DENR: variants seen among roughly 807,000 people sequenced by gnomAD.
DENR encodes density-regulated protein.
Under a neutral mutation model 30.6 loss-of-function variants are expected in DENR, and 6 were observed. The ratio of observed to expected loss-of-function variants is 0.20; its 90% confidence interval spans 0.11 to 0.39. The LOEUF (loss-of-function observed/expected upper bound fraction) is 0.39, where lower values mean the gene tolerates loss of function less well. Among genes scored for constraint, DENR ranks in the 10% least tolerant of loss-of-function variants. DENR has a pLI of 1.00. For synonymous variants in DENR, 78 were observed against 72.1 expected, an observed-to-expected ratio of 1.08 and a Z score of -0.41; for missense variants, 141 against 230.9, an observed-to-expected ratio of 0.61 and a Z score of 2.52.
intron 5 of DENR, 96 bp downstream of exon 5, chr12:122,765,483 G>T: frequency 9.1e-7 from 1 of 1,102,618 alleles, no homozygotes; most frequent in South Asian, 1.5e-5. Context: ...TAGGCACAAT[G>T]GTGGGCGCCT....
chr12:122,769,205 C>T lies in DENR; in HGVS notation c.*127C>T. Reference sequence around the variant, plus strand: ...ATATATACACATATATGTATGTATACACATATACACATGTATATATACATG... The same window carrying T: ...ATATATACACATATATGTATGTATATACATATACACATGTATATATACATG... On this transcript the variant is annotated 3_prime_UTR_variant, in exon 8 of 8. Transcript: ENST00000280557. The T allele has an allele frequency of 1.2e-6, 1 of 864,904 alleles. No homozygotes were observed. Among genetic ancestry groups the T allele is most frequent in the Non-Finnish European group, 1.5e-6 (1 of 661,098 alleles). The allele number at this position is 864,904 out of a possible 1,614,324, so 53.6% of individuals were successfully genotyped here. A position where few individuals can be genotyped will look rare whatever the true frequency, so the allele number is the denominator to read the frequency against.
At chr12:122,754,074 G>A (rs1878485193) in intron 2 of DENR, 3 of 463,942 alleles carry the variant, frequency 6.5e-6, no homozygotes, top group African/African-American at 2.0e-5. Context: ...GGTCCTCAAG[G>A]TGTATGCTAG....
intron 2 of DENR, among the ~76,000 whole-genome samples, chr12:122,756,441 C>T (rs1192022876): frequency 6.6e-6 from 1 of 151,682 alleles, no homozygotes. Context: ...AAAACTCCAT[C>T]CCAGAAAAAA....
At chr12:122,762,294 A>G in intron 3 of DENR, 88 bp downstream of exon 3, 1 of 902,176 alleles carries the variant, frequency 1.1e-6, no homozygotes, top group East Asian at 2.8e-5. Context: ...TTTATTTTTC[A>G]TTTTTGATTA....
At chr12:122,768,453 G>A (rs950734761) in intron 6 of DENR, among the ~76,000 whole-genome samples, 3 of 151,886 alleles carry the variant, frequency 2.0e-5, no homozygotes, top group Admixed American at 6.6e-5. Flanking sequence ...AGCCAAGATC[G>A]AGCCACTGCA....
intron 4 of DENR, 84 bp from the exon 5 acceptor site, chr12:122,765,220 A>G: frequency 9.5e-7 from 1 of 1,053,384 alleles, no homozygotes; most frequent in South Asian, 1.5e-5. Context: ...CCTTATTTGT[A>G]TATGAGGTTG....
intron 5 of DENR, among the ~76,000 whole-genome samples, 169 bp downstream of exon 5, chr12:122,765,556 G>A (rs1435743463): frequency 6.6e-6 from 1 of 152,144 alleles, no homozygotes; most frequent in Non-Finnish European, 1.5e-5. Flanking sequence ...GTTCAAGGCT[G>A]TAGTATGCAA....
At position 122,762,897 on chromosome 12, in the gene DENR, A is replaced by C. The variant is rs2135510920; in HGVS notation, c.179A>C (p.Asn60Thr). The C allele has an allele frequency of 1.3e-6, 2 of 1,550,050 alleles. 1 individual carries two copies. The highest frequency in any genetic ancestry group is 1.7e-6 in the Non-Finnish European group (2 of 1,146,464). Residue 60 changes from asparagine (N) to threonine (T), a missense_variant, in exon 4 of 8, where the codon AAT (asparagine) becomes ACT (threonine). Physicochemically the swap from Asn to Thr is moderately conservative, Grantham distance 65. Coordinates refer to ENST00000280557, the MANE Select transcript of DENR (RefSeq NM_003677.5). ...AAATGTAGACAATGGTTAGAGAAGA[A>C]TTTTCCAAATGAATTTGCAAAACTT... ...VAKCRQWLEK[N>T]FPNEFAKLTV... is the part of the protein sequence containing the mutation.
At chr12:122,764,018 G>C (rs1878777672) in intron 4 of DENR, among the ~76,000 whole-genome samples, 1 of 152,170 alleles carries the variant, frequency 6.6e-6, no homozygotes, top group Non-Finnish European at 1.5e-5. Flanking sequence ...GAGTCATTTG[G>C]GTATCTGGCA....
chr12:122,767,409 T>C (rs1399878503), intron 5 of DENR, 79 bp from the exon 6 acceptor site: 7 of 914,732 alleles, frequency 7.7e-6, no homozygotes, highest in African/African-American at 1.7e-5. Flanking sequence ...CTTAAACCTT[T>C]TGAGAATTAA....
At chr12:122,764,222 A>G (rs763527662) in intron 4 of DENR, among the ~76,000 whole-genome samples, 3 of 152,190 alleles carry the variant, frequency 2.0e-5, no homozygotes, top group Non-Finnish European at 4.4e-5. Flanking sequence ...TCTTAGTTAG[A>G]TGATGAGCTC....
intron 2 of DENR, among the ~76,000 whole-genome samples, chr12:122,757,583 C>A (rs1282497546): frequency 6.6e-6 from 1 of 152,100 alleles, no homozygotes. Context: ...AGTGGTGGGG[C>A]CAGGATTAAA....
rs1878950341 is a variant in DENR at position 122,769,259 on chromosome 12, C to CATACACATACATGTATACATAT, written c.*190_*191insCATGTATACATATATACACATA. 1.7e-5 allele frequency: 11 copies of CATACACATACATGTATACATAT among 647,800 alleles called. 1 individual carries two copies. In the African/African-American group the frequency reaches 3.5e-4, roughly 21 times the overall value. 40.1% of individuals were successfully genotyped at this position (647,800 alleles called of 1,614,324 possible). On this transcript the variant is annotated 3_prime_UTR_variant, in exon 8 of 8. Transcript: ENST00000280557. ...GTATGTATACATGTATATATATATACATACACATATATGTATACATATATA... is the reference window on the plus strand; with the variant it reads ...GTATGTATACATGTATATATATATACATACACATACATGTATACATATATACACATATATGTATACATATATA...
intron 3 of DENR, 134 bp from the exon 4 acceptor site, chr12:122,762,711 T>G: frequency 1.5e-6 from 1 of 650,782 alleles, no homozygotes; most frequent in South Asian, 1.8e-5. Flanking sequence ...ACAGATTTCC[T>G]GTGGATAAGA....
chr12:122,762,108 T>TA (rs1878716348), intron 2 of DENR, 79 bp from the exon 3 acceptor site: 1 of 949,298 alleles, frequency 1.1e-6, no homozygotes, highest in African/African-American at 1.7e-5. Context: ...TTCTCAAATA[T>TA]AAAAGTAAGG....
intron 1 of DENR, among the ~76,000 whole-genome samples, 154 bp downstream of exon 1, chr12:122,753,104 C>T (rs1221293752): frequency 6.6e-6 from 1 of 152,254 alleles, no homozygotes; most frequent in Non-Finnish European, 1.5e-5. Context: ...GCTCCTTCGC[C>T]TCAGACCTGG....
chr12:122,762,863 G>A lies in DENR; in HGVS notation c.145G>A (p.Asp49Asn). ...LPTEYCEYMPDVAKCRQWLEK... is the reference protein window; with the variant it reads ...LPTEYCEYMPNVAKCRQWLEK... Reference sequence around the variant, plus strand: ...CTCCTAGTACTGTGAATATATGCCTGATGTTGCTAAATGTAGACAATGGTT... The same window carrying A: ...CTCCTAGTACTGTGAATATATGCCTAATGTTGCTAAATGTAGACAATGGTT... The change falls in exon 4 of 8, where the codon GAT (aspartate) becomes AAT (asparagine). Residue 49 changes from aspartate to asparagine, a missense_variant. This residue lies in a region of DENR where 104 missense variants were observed against 138.3 expected (regional missense o/e 0.75). Transcript: ENST00000280557. 6.5e-7 allele frequency: 1 copy of A among 1,547,986 alleles called. No individual in the cohort carries two copies. The highest frequency in any genetic ancestry group is 8.7e-7 in the Non-Finnish European group (1 of 1,145,492).
Position 122,765,368 on chromosome 12 carries a change from G to A in DENR, c.276G>A (p.Glu92=), listed in dbSNP as rs1203858379. 3.2e-6 allele frequency: 5 copies of A among 1,551,120 alleles called. No homozygotes were observed. The highest frequency in any genetic ancestry group is 2.7e-5 in the African/African-American group (2 of 72,964). ...AAGGAACAGCAGGGGAAGAAGAGGA[G>A]AAGAAAAAACAGAAGAGAGGTAAGA... ...EGQGTAGEEE[E]KKKQKRGGRG... is the part of the protein sequence containing the mutation. The change falls in exon 5 of 8, where the codon GAG becomes GAA. Residue 92 remains glutamate (E), a synonymous_variant. Transcript: ENST00000280557.
intron 4 of DENR, among the ~76,000 whole-genome samples, chr12:122,764,778 C>T (rs1318339898): frequency 6.6e-6 from 1 of 152,220 alleles, no homozygotes; most frequent in Non-Finnish European, 1.5e-5. Context: ...CTGCCCCACT[C>T]ATTGCTCCTT....
Sources: gnomAD v4.1 joint callset for allele counts (sites outside exome capture counted in the v4.1 genomes callset) on GRCh38, gnomAD v4.1.1 for gene constraint, gnomAD v4.1.1 regional missense constraint, MANE v1.5 for transcripts, NCBI Gene and HGNC (gene_info 2026-07-23, HGNC 2026-07-21) for gene names.